KIF7: variants seen among roughly 807,000 people sequenced by gnomAD.
The protein encoded by KIF7 is kinesin-like protein KIF7.
Under a neutral mutation model 135.7 loss-of-function variants are expected in KIF7, and 104 were observed. The observed-to-expected ratio is 0.77, with a 90% CI of 0.65 to 0.90. The LOEUF is 0.90. Among genes scored for constraint, KIF7 ranks in the 40% least tolerant of loss-of-function variants. KIF7 has a pLI of 0.00. For synonymous variants in KIF7, 883 were observed against 809.4 expected, an observed-to-expected ratio of 1.09 and a Z score of -1.54; for missense variants, 2,005 against 1,839.1, an observed-to-expected ratio of 1.09 and a Z score of -1.65.
chr15:89,653,067 G>A, intron 1 of KIF7, 113 bp from the exon 2 acceptor site: 1 of 864,368 alleles, frequency 1.2e-6, no homozygotes, highest in Non-Finnish European at 1.7e-6. Flanking sequence ...AGGGATTGGG[G>A]GAGGGTGGTC....
At chr15:89,639,277 C>T (rs976773955) in intron 11 of KIF7, among the ~76,000 whole-genome samples, 3 of 152,018 alleles carry the variant, frequency 2.0e-5, no homozygotes, top group African/African-American at 7.3e-5. Context: ...CAACCAAAGC[C>T]AAAATCGACA....
intron 17 of KIF7, 33 bp from the exon 18 acceptor site, chr15:89,629,155 G>C (rs1439857805): frequency 1.9e-6 from 3 of 1,607,980 alleles, no homozygotes; most frequent in Non-Finnish European, 2.5e-6. Context: ...AGGGTGGTGA[G>C]GGCTGCAGGC....
rs766832725 is a variant in KIF7 at position 89,629,586 on chromosome 15, CCAGCCAGGCT to C, written c.3319-23_3319-14del. The C allele has an allele frequency of 6.2e-7, 1 of 1,603,656 alleles. No homozygotes were observed. The highest frequency in any genetic ancestry group is 1.1e-5 in the South Asian group (1 of 91,080). ...GGAGCGTCACCACCTGTCCCAAGAC[CCAGCCAGGCT>C]CAGCCCTCATCATGACCCCTCTTCA... On this transcript the variant is annotated splice_polypyrimidine_tract_variant and intron_variant, in intron 16 of 18. Coordinates refer to ENST00000394412, the MANE Select transcript of KIF7 (RefSeq NM_198525.3).
chr15:89,633,202 G>T lies in KIF7; in HGVS notation c.2657C>A (p.Ala886Glu). The change falls in exon 13 of 19, where the codon GCA (alanine) becomes GAA (glutamate). Residue 886 changes from alanine (A) to glutamate (E), a missense_variant. Physicochemically the swap from Ala to Glu is moderately radical, Grantham distance 107 (BLOSUM62 -1). Transcript: ENST00000394412. Reference protein sequence around the residue: ...ILKIKTEEIAAFQRKRRSGSN... With the variant: ...ILKIKTEEIAEFQRKRRSGSN... ...GCCACTGCGCCTCTTCCTCTGGAAT[G>T]CCGCGATCTCTTCCGTCTTAATCTT... The T allele has an allele frequency of 6.2e-7, 1 of 1,601,492 alleles. No individual in the cohort carries two copies.
In KIF7 at chr15:89,645,145, G is replaced by C. The variant is rs138736028; in HGVS notation, c.2059C>G (p.Arg687Gly). Residue 687 changes from arginine (R) to glycine (G), a missense_variant, in exon 10 of 19, where the codon CGA becomes GGA. Arg to Gly is a moderately radical substitution (Grantham distance 125). Coordinates refer to ENST00000394412, the MANE Select transcript of KIF7 (RefSeq NM_198525.3). Reference protein sequence around the residue: ...GSRAVGGSKARVQARQVPPAT... With the variant: ...GSRAVGGSKAGVQARQVPPAT... Reference sequence around the variant, plus strand: ...GGGGGGACCTGGCGGGCCTGAACTCGGGCCTTGCTCCCACCAACTGCTGCA... The same window carrying C: ...GGGGGGACCTGGCGGGCCTGAACTCCGGCCTTGCTCCCACCAACTGCTGCA... 87 of 1,604,382 alleles carry C rather than the reference G, an allele frequency of 5.4e-5. No homozygotes were observed. The highest frequency in any genetic ancestry group is 8.3e-5 in the Admixed American group (5 of 60,012).
intron 2 of KIF7, chr15:89,617,978 C>A: frequency 1.4e-6 from 1 of 711,062 alleles, no homozygotes; most frequent in Non-Finnish European, 2.5e-6. Context: ...AGGCGTGAGA[C>A]ACTGTGGCCA....
chr15:89,624,166 G>T, downstream of KIF7: 1 of 1,613,950 alleles, frequency 6.2e-7, no homozygotes, highest in South Asian at 1.1e-5. Context: ...GAAACTAAAG[G>T]ATAAAGCTAT....
Position 89,628,973 on chromosome 15 carries a change from T to TA in KIF7, c.3664+2dup, listed in dbSNP as rs1469178932. On this transcript the variant is annotated splice_region_variant and intron_variant, in intron 18 of 18. Transcript: ENST00000394412. ...CTGACTTCAGAGCGCGACGAGGAGTTACCCCTGCTGTGGCCTACAGCGTTC... is the reference window on the plus strand; with the variant it reads ...CTGACTTCAGAGCGCGACGAGGAGTTAACCCCTGCTGTGGCCTACAGCGTTC... The TA allele has an allele frequency of 1.9e-6, 3 of 1,613,798 alleles. No individual in the cohort carries two copies. The highest frequency in any genetic ancestry group is 2.5e-6 in the Non-Finnish European group (3 of 1,179,972).
chr15:89,643,927 G>A (rs1380130006), intron 10 of KIF7, among the ~76,000 whole-genome samples: 1 of 149,784 alleles, frequency 6.7e-6, no homozygotes, highest in African/African-American at 2.5e-5. Flanking sequence ...TTCATTAGGT[G>A]TGCTGATGGT....
At chr15:89,621,625 C>T (rs1963427204) in intron 1 of KIF7, 1 of 1,303,432 alleles carries the variant, frequency 7.7e-7, no homozygotes, top group South Asian at 1.5e-5. Flanking sequence ...ACTCAGAGTC[C>T]ATTAGGGAAG....
chr15:89,657,367 A>G (rs1318606825), upstream of KIF7, among the ~76,000 whole-genome samples: 3 of 151,806 alleles, frequency 2.0e-5, no homozygotes, highest in African/African-American at 7.3e-5. Flanking sequence ...TTACAATTAT[A>G]GTAATTAAAT....
intron 16 of KIF7, 134 bp downstream of exon 16, chr15:89,630,153 C>G (rs1963640800): frequency 1.2e-6 from 1 of 805,304 alleles, no homozygotes; most frequent in African/African-American, 1.7e-5. Flanking sequence ...TCAGGCGGCC[C>G]TGCAGATGAG....
chr15:89,660,112 C>T (rs1025089089), upstream of KIF7, among the ~76,000 whole-genome samples: 4 of 152,170 alleles, frequency 2.6e-5, no homozygotes, highest in Non-Finnish European at 5.9e-5. Flanking sequence ...GCAGGAAAAT[C>T]GCTTCAACCT....
chr15:89,622,227 C>G (rs1224671649), intron 1 of KIF7, among the ~76,000 whole-genome samples: 5 of 152,182 alleles, frequency 3.3e-5, no homozygotes, highest in African/African-American at 1.2e-4. Context: ...CTCAAGTGAT[C>G]CACCTGCCTC....
downstream of KIF7, chr15:89,625,020 T>C (rs1366279478): frequency 6.2e-7 from 1 of 1,614,014 alleles, no homozygotes; most frequent in Non-Finnish European, 8.5e-7. Context: ...CTTCTGGCCT[T>C]CCCAAACTTC....
At chr15:89,626,886 A>G (rs919790708), downstream of KIF7, 67 of 1,566,922 alleles carry the variant, frequency 4.3e-5, 1 homozygote, top group Middle Eastern at 6.8e-4. Context: ...ACCCTCTGCA[A>G]TTTAAGCCAA....
At chr15:89,630,532 G>C in intron 15 of KIF7, 39 bp from the exon 16 acceptor site, 1 of 1,484,212 alleles carries the variant, frequency 6.7e-7, no homozygotes, top group Non-Finnish European at 9.1e-7. Flanking sequence ...AGCACCCACT[G>C]CCTGAATGCT....
chr15:89,625,010 C>T (rs1453408106), downstream of KIF7: 8 of 1,614,096 alleles, frequency 5.0e-6, no homozygotes, highest in South Asian at 1.1e-5. Context: ...GAGATGCAAG[C>T]TTCTGGCCTT....
At position 89,635,333 on chromosome 15, in the gene KIF7, CT is replaced by C. The variant is rs201324967; in HGVS notation, c.2395-1451del. ...CGGAACAAAGCTGGATGGAGAATGA[CT>C]TTGACGAGCTGAGAGAAGAAGGCTT... On this transcript the variant is annotated intron_variant, in intron 11 of 18. Coordinates refer to ENST00000394412, the MANE Select transcript of KIF7 (RefSeq NM_198525.3). Among the ~76,000 whole-genome samples, 783 of 152,352 alleles carry C rather than the reference CT, an allele frequency of 5.1e-3. 2 individuals carry two copies. Among genetic ancestry groups the C allele is most frequent in the Middle Eastern group, 0.01 (3 of 294 alleles).
Sources: allele counts gnomAD v4.1 joint callset (sites outside exome capture counted in the v4.1 genomes callset), GRCh38; gene constraint gnomAD v4.1.1; transcripts MANE v1.5; gene names NCBI Gene and HGNC (gene_info 2026-07-23, HGNC 2026-07-21).